The following AFG3L2 variants were observed in gnomAD, a reference collection of about 807,000 sequenced individuals.
AFG3L2 encodes mitochondrial inner membrane m-AAA protease component AFG3L2.
In AFG3L2, 54 loss-of-function variants were observed where a neutral mutation model predicts 94.5. The ratio of observed to expected loss-of-function variants is 0.57; its 90% CI spans 0.46 to 0.72. The LOEUF (loss-of-function observed/expected upper bound fraction) is 0.72, where lower values mean the gene tolerates loss of function less well. AFG3L2 is among the 30% of genes least tolerant of loss of function. AFG3L2 has a pLI of 0.00. For missense variants in AFG3L2, 754 were observed against 994.9 expected (o/e 0.76, Z 3.26); for synonymous variants, 377 against 365.5 (o/e 1.03, Z -0.36).
intron 14 of AFG3L2, chr18:12,342,120 C>A (rs536149862): frequency 6.6e-6 from 1 of 152,212 alleles, no homozygotes; most frequent in Admixed American, 6.5e-5. Flanking sequence ...CCTGCCTCGG[C>A]GTCCCAAAGT....
chr18:12,350,648 A>T (rs1908286344), intron 12 of AFG3L2, among the ~76,000 whole-genome samples: 1 of 152,230 alleles, frequency 6.6e-6, no homozygotes, highest in South Asian at 2.1e-4. Flanking sequence ...ATTTCCCATA[A>T]TAACAAAGTA....
rs750135722 is a variant in AFG3L2, at chr18:12,370,883, A to G, written c.258T>C (p.Ala86=). 6.3e-7 allele frequency: 1 copy of G among 1,587,762 alleles called. No homozygotes were observed. Among genetic ancestry groups the G allele is most frequent in the Non-Finnish European group, 8.6e-7 (1 of 1,158,914 alleles). Residue 86 remains alanine, a synonymous_variant, in exon 3 of 17, where the codon GCT becomes GCC. Coordinates refer to ENST00000269143, the MANE Select transcript of AFG3L2 (RefSeq NM_006796.3). ...CTCCCATAACTTCTTTAGGTTCACT[A>G]GCTTTTTTTCCATTTTTTCCATTAG... The part of the protein sequence containing the change: ...YFPNGKNGKK[A]SEPKEVMGEK...
intron 16 of AFG3L2, among the ~76,000 whole-genome samples, chr18:12,334,137 C>G (rs534954860): frequency 6.6e-6 from 1 of 152,344 alleles, no homozygotes; most frequent in South Asian, 2.1e-4. Flanking sequence ...GTTTCAGGAG[C>G]ACAGGCCCTA....
chr18:12,359,037 C>T, intron 7 of AFG3L2, 94 bp from the exon 8 acceptor site: 1 of 1,508,682 alleles, frequency 6.6e-7, no homozygotes, highest in Admixed American at 2.0e-5. Context: ...TATATAGCTA[C>T]ACCAAGGTAT....
intron 13 of AFG3L2, among the ~76,000 whole-genome samples, chr18:12,345,588 G>A (rs1040125447): frequency 3.9e-5 from 6 of 152,176 alleles, no homozygotes; most frequent in African/African-American, 1.4e-4. Context: ...AAGCAAAGAA[G>A]CCTTCTTTCC....
At chr18:12,333,315 AATATATAATATATAAAATTAT>A (rs1283517930) in intron 16 of AFG3L2, among the ~76,000 whole-genome samples, 3 of 130,924 alleles carry the variant, frequency 2.3e-5, no homozygotes, top group East Asian at 2.0e-4. Context: ...ATATATTATA[AATATATAATATATAAAATTAT>A]ATATATAATA....
chr18:12,355,386 G>A (rs1242527999), intron 9 of AFG3L2, among the ~76,000 whole-genome samples: 2 of 151,972 alleles, frequency 1.3e-5, no homozygotes, highest in African/African-American at 2.4e-5. Context: ...TCAAAACCAC[G>A]AGATACTACA....
chr18:12,352,409 T>G lies in AFG3L2; in HGVS notation c.1318+596A>C, dbSNP rs141271319. Among the ~76,000 whole-genome samples the G allele has an allele frequency of 9.5e-4, 145 of 152,308 alleles. 1 individual carries two copies. Among genetic ancestry groups the G allele is most frequent in the African/African-American group, 3.4e-3 (141 of 41,588 alleles). On this transcript the variant is annotated intron_variant, in intron 10 of 16. Transcript: ENST00000269143. ...ACAACCAAGCATCCACATTTTTATC[T>G]TCCAGCAGGAAGAACACATGACATC...
chr18:12,352,429 G>T (rs1185596654), intron 10 of AFG3L2, among the ~76,000 whole-genome samples: 2 of 152,184 alleles, frequency 1.3e-5, no homozygotes, highest in African/African-American at 2.4e-5. Flanking sequence ...AAGAACACAT[G>T]ACATCCTGAG....
intron 16 of AFG3L2, among the ~76,000 whole-genome samples, chr18:12,333,087 T>G (rs1351903330): frequency 1.0e-5 from 1 of 95,906 alleles, no homozygotes; most frequent in Non-Finnish European, 1.9e-5. Context: ...TATTATATAA[T>G]AGATTATAAT....
In AFG3L2 at chr18:12,329,326, G is replaced by A; in HGVS notation, c.*239C>T. The A allele has an allele frequency of 3.0e-6, 2 of 675,242 alleles. No individual in the cohort carries two copies. Among genetic ancestry groups the A allele is most frequent in the Admixed American group, 2.2e-5 (1 of 46,230 alleles). The allele number at this position is 675,242 out of a possible 1,614,324, so 41.8% of individuals were successfully genotyped here. On this transcript the variant is annotated 3_prime_UTR_variant, in exon 17 of 17. Transcript: ENST00000269143. ...TGGGCTCAACCTTTCCAGCACGTCT[G>A]GGAGCCCAATGAGGCTATGGGACAG...
Position 12,344,182 on chromosome 18 carries a change from C to T in AFG3L2, c.1729G>A (p.Gly577Ser). 1 of 1,614,150 alleles carries T rather than the reference C, an allele frequency of 6.2e-7. No individual in the cohort carries two copies. The stretch of plus-strand genomic sequence containing the variant: ...AGATACCAGCCGGCAACCGCATGGC[C>T]TGCTTCGTGGTATGCCACAGTCTTC... ...EKKTVAYHEA[G>S]HAVAGWYLEH... Residue 577 changes from glycine to serine, a missense_variant, in exon 14 of 17, where the codon GGC becomes AGC. Gly to Ser is a moderately conservative substitution (Grantham distance 56, BLOSUM62 0). Transcript: ENST00000269143.
rs2298542 is a variant in AFG3L2, at chr18:12,363,951, C to T, written c.553-95G>A. ...TAAAATGCATATGATGTTTCAGCCA[C>T]ACAAGGAAAGAATAAAGAATCAGAT... On this transcript the variant is annotated intron_variant, in intron 5 of 16. Transcript: ENST00000269143. 748,282 of 955,478 alleles carry T rather than the reference C, an allele frequency of 0.78. 295,522 individuals are homozygous for T. The highest frequency in any genetic ancestry group is 0.81 in the Non-Finnish European group (477,447 of 589,204). The allele number at this position is 955,478 out of a possible 1,614,324, so 59.2% of individuals were successfully genotyped here.
intron 7 of AFG3L2, among the ~76,000 whole-genome samples, chr18:12,359,179 A>C (rs1462109791): frequency 1.3e-5 from 2 of 152,238 alleles, no homozygotes; most frequent in Non-Finnish European, 2.9e-5. Flanking sequence ...AAGTGGGGTT[A>C]CTAACATGGT....
intron 1 of AFG3L2, among the ~76,000 whole-genome samples, chr18:12,371,942 T>A (rs1174972852): frequency 1.3e-5 from 2 of 152,230 alleles, no homozygotes; most frequent in African/African-American, 4.8e-5. Context: ...TAATGTAGAA[T>A]TGCAATCCAA....
At chr18:12,364,863 T>A (rs1322386596) in intron 5 of AFG3L2, among the ~76,000 whole-genome samples, 2 of 151,646 alleles carry the variant, frequency 1.3e-5, no homozygotes, top group African/African-American at 4.8e-5. Flanking sequence ...AGAGATGGGG[T>A]CTCCCTACAT....
chr18:12,332,123 ATTT>A (rs10689491), intron 16 of AFG3L2, among the ~76,000 whole-genome samples: 5 of 131,706 alleles, frequency 3.8e-5, no homozygotes, highest in East Asian at 2.2e-4. Flanking sequence ...TCATAAAATG[ATTT>A]TTTTTTTTTT....
chr18:12,351,683 AT>A, intron 10 of AFG3L2, among the ~76,000 whole-genome samples: 1 of 151,914 alleles, frequency 6.6e-6, no homozygotes, highest in East Asian at 1.9e-4. Flanking sequence ...AGTAGCTGGG[AT>A]TACAGGCATG....
intron 12 of AFG3L2, among the ~76,000 whole-genome samples, chr18:12,350,775 C>A (rs1422686819): frequency 6.6e-6 from 1 of 152,130 alleles, no homozygotes; most frequent in Admixed American, 6.5e-5. Flanking sequence ...ATAAGTAAGA[C>A]CCTGTCTCCA....
Sources: allele counts gnomAD v4.1 joint callset (sites outside exome capture counted in the v4.1 genomes callset), GRCh38; gene constraint gnomAD v4.1.1; transcripts MANE v1.5; gene names NCBI Gene and HGNC (gene_info 2026-07-23, HGNC 2026-07-21).